Variants in RABGAP1L observed in about 807,000 individuals in gnomAD.
RABGAP1L encodes rab GTPase-activating protein 1-like.
Under a neutral mutation model 137.7 loss-of-function variants are expected in RABGAP1L, and 63 were observed. The observed-to-expected ratio is 0.46, with a 90% confidence interval of 0.37 to 0.56. The LOEUF is 0.56. Ranked by LOEUF, RABGAP1L falls within the 20% of genes least tolerant of loss-of-function variation. The probability of loss-of-function intolerance (pLI) is 0.00; values close to 1 mark genes in which losing one functional copy is unlikely to be tolerated. For missense variants in RABGAP1L, 1,095 were observed against 1,244.0 expected, an observed-to-expected ratio of 0.88 and a Z score of 1.80; for synonymous variants, 431 against 433.7, an observed-to-expected ratio of 0.99 and a Z score of 0.08.
rs1485975056 is a variant in RABGAP1L, at chr1:174,221,088, C to T, written c.255C>T (p.Asp85=). 1.2e-6 allele frequency: 2 copies of T among 1,613,808 alleles called. No individual in the cohort carries two copies. Among genetic ancestry groups the T allele is most frequent in the African/African-American group, 1.3e-5 (1 of 74,900 alleles). The change falls in exon 3 of 26, where the codon GAC becomes GAT. Residue 85 remains aspartate, a synonymous_variant. Coordinates refer to ENST00000681986, the MANE Select transcript of RABGAP1L (RefSeq NM_001366446.1). The part of the protein sequence containing the change: ...VDCQSSSEIS[D]HSFGDIPASQ... The stretch of plus-strand genomic sequence containing the variant: ...GTCAAAGTTCCAGTGAGATTTCAGA[C>T]CATTCGTTTGGAGATATTCCAGCCA...
rs1653377282 is a variant in RABGAP1L at position 174,436,756 on chromosome 1, G to GA, written c.1710+42611_1710+42612insA. Among the ~76,000 whole-genome samples the GA allele has an allele frequency of 3.3e-5, 5 of 152,246 alleles. No individual in the cohort carries two copies. In the South Asian group the frequency reaches 1.0e-3, roughly 32 times the overall value. On this transcript the variant is annotated intron_variant, in intron 13 of 25. Transcript: ENST00000681986. ...ATGCCTATGCTTGAGATCTCAGAAT[G>GA]GGCAGACTGCCTCCTCAAGTGGGTC...
intron 13 of RABGAP1L, among the ~76,000 whole-genome samples, chr1:174,491,241 A>G (rs990940229): frequency 2.0e-5 from 3 of 152,054 alleles, no homozygotes; most frequent in Admixed American, 1.3e-4. Flanking sequence ...CTCCATGAGT[A>G]TTGCATTGGT....
At chr1:174,940,266 CTTT>C (rs531025242) in intron 19 of RABGAP1L, among the ~76,000 whole-genome samples, 1 of 140,788 alleles carries the variant, frequency 7.1e-6, no homozygotes, top group Non-Finnish European at 1.6e-5. Context: ...TTGTTTGTTT[CTTT>C]TTTTTTTTTT....
intron 1 of RABGAP1L, among the ~76,000 whole-genome samples, chr1:174,210,137 A>G (rs1382055046): frequency 6.6e-6 from 1 of 152,170 alleles, no homozygotes; most frequent in Non-Finnish European, 1.5e-5. Flanking sequence ...AGATGGGTAC[A>G]AACAAGCCCA....
intron 13 of RABGAP1L, among the ~76,000 whole-genome samples, chr1:174,431,203 TTTCTC>T (rs1311500029): frequency 6.6e-6 from 1 of 152,184 alleles, no homozygotes; most frequent in African/African-American, 2.4e-5. Context: ...AGGTTCAACT[TTTCTC>T]TCTCTGTTTT....
intron 2 of RABGAP1L, 46 bp downstream of exon 2, chr1:174,219,341 T>C (rs768176794): frequency 7.6e-7 from 1 of 1,321,198 alleles, no homozygotes; most frequent in Non-Finnish European, 1.0e-6. Flanking sequence ...AATTAAAAAC[T>C]ATTTGAAACT....
intron 17 of RABGAP1L, among the ~76,000 whole-genome samples, chr1:174,731,261 C>T (rs558324686): frequency 6.6e-5 from 10 of 152,244 alleles, no homozygotes; most frequent in South Asian, 4.1e-4. Context: ...CGTGAGCCAC[C>T]GCACCCAGCC....
At position 174,948,484 on chromosome 1, in the gene RABGAP1L, G is replaced by A. The variant is rs573988439; in HGVS notation, c.2341-8973G>A. The stretch of plus-strand genomic sequence containing the variant: ...CAGTGAGCGGCACTGCACTTCAGCC[G>A]CAGCCACAGAGCGAGACCCTGCCTC... On this transcript the variant is annotated intron_variant, in intron 19 of 25. Transcript: ENST00000681986. 8.5e-5 allele frequency among the ~76,000 whole-genome samples: 11 copies of A among 129,088 alleles called. No homozygotes were observed. The East Asian group carries it at 1.5e-3, about 18-fold the overall frequency. 84.7% of individuals were successfully genotyped at this position (129,088 alleles called of 152,430 possible).
At chr1:174,598,268 C>T (rs938360631) in intron 13 of RABGAP1L, among the ~76,000 whole-genome samples, 2 of 143,278 alleles carry the variant, frequency 1.4e-5, no homozygotes, top group African/African-American at 2.7e-5. Context: ...GCGGAGGTTG[C>T]AGTGAGCCGA....
At chr1:174,625,838 T>G (rs2148291806) in intron 13 of RABGAP1L, among the ~76,000 whole-genome samples, 1 of 152,308 alleles carries the variant, frequency 6.6e-6, no homozygotes. Flanking sequence ...AAACCCTAGT[T>G]TTATCGAAGC....
intron 12 of RABGAP1L, among the ~76,000 whole-genome samples, chr1:174,390,113 T>C (rs1687101992): frequency 6.6e-6 from 1 of 152,202 alleles, no homozygotes; most frequent in African/African-American, 2.4e-5. Flanking sequence ...AGCTTAATAT[T>C]TATTAGTACT....
intron 19 of RABGAP1L, chr1:174,892,433 G>A (rs986829671): frequency 1.7e-5 from 7 of 419,652 alleles, no homozygotes; most frequent in East Asian, 7.3e-5. Flanking sequence ...ATATCAACAC[G>A]AAATTGTTCA....
At chr1:174,628,846 G>T (rs780614499) in intron 13 of RABGAP1L, among the ~76,000 whole-genome samples, 6 of 152,170 alleles carry the variant, frequency 3.9e-5, no homozygotes, top group Non-Finnish European at 5.9e-5. Flanking sequence ...GACTTAGGGA[G>T]CCCGTGCATA....
At chr1:174,601,431 G>T (rs1443683041) in intron 13 of RABGAP1L, among the ~76,000 whole-genome samples, 2 of 152,068 alleles carry the variant, frequency 1.3e-5, no homozygotes, top group African/African-American at 4.8e-5. Context: ...TCACTCATAG[G>T]TGGGAATTGA....
chr1:174,722,043 T>C (rs1681579725), intron 17 of RABGAP1L, among the ~76,000 whole-genome samples: 1 of 152,156 alleles, frequency 6.6e-6, no homozygotes, highest in Non-Finnish European at 1.5e-5. Context: ...GCGATTCTTC[T>C]GCCACAGCCT....
intron 13 of RABGAP1L, among the ~76,000 whole-genome samples, chr1:174,408,225 C>T (rs1288175042): frequency 6.6e-6 from 1 of 152,144 alleles, no homozygotes; most frequent in Non-Finnish European, 1.5e-5. Context: ...TCTCCTTCAG[C>T]CTTCTGTTAG....
chr1:174,479,229 C>T (rs1280293696), intron 13 of RABGAP1L, among the ~76,000 whole-genome samples: 1 of 152,194 alleles, frequency 6.6e-6, no homozygotes, highest in East Asian at 1.9e-4. Flanking sequence ...GTCTAGGTAC[C>T]ATACCTTAAG....
At chr1:174,652,457 G>A (rs907335459) in intron 14 of RABGAP1L, among the ~76,000 whole-genome samples, 2 of 152,154 alleles carry the variant, frequency 1.3e-5, no homozygotes, top group African/African-American at 4.8e-5. Flanking sequence ...TGTGGTCTTT[G>A]ATGTTGGTAA....
intron 13 of RABGAP1L, among the ~76,000 whole-genome samples, chr1:174,421,317 A>G (rs1437652265): frequency 1.3e-5 from 2 of 152,202 alleles, no homozygotes; most frequent in Non-Finnish European, 2.9e-5. Flanking sequence ...CTAGGCAACA[A>G]CAGCTTTCAA....
Sources: allele counts gnomAD v4.1 joint callset (sites outside exome capture counted in the v4.1 genomes callset), GRCh38; gene constraint gnomAD v4.1.1; transcripts MANE v1.5; gene names NCBI Gene and HGNC (gene_info 2026-07-23, HGNC 2026-07-21).